Variants in SLC23A2 observed in about 807,000 individuals in gnomAD.
SLC23A2 encodes Na(+)/L-ascorbic acid transporter 2.
A neutral mutation model predicts 73.3 loss-of-function variants in SLC23A2; 36 were observed. The observed-to-expected ratio is 0.49, with a 90% CI of 0.38 to 0.65. The LOEUF is 0.65. SLC23A2 is among the 30% of genes least tolerant of loss of function. The pLI is 0.00. For missense variants in SLC23A2, 507 were observed against 841.6 expected (o/e 0.60, Z 4.92); for synonymous variants, 343 against 327.3 (o/e 1.05, Z -0.52).
chr20:4,973,417 G>A (rs954333792), intron 1 of SLC23A2, among the ~76,000 whole-genome samples: 1 of 152,176 alleles, frequency 6.6e-6, no homozygotes, highest in Non-Finnish European at 1.5e-5. Context: ...TTAAAGACAT[G>A]TTTTTGGAGA....
intron 2 of SLC23A2, among the ~76,000 whole-genome samples, chr20:4,942,517 C>G (rs776942693): frequency 5.3e-5 from 8 of 152,138 alleles, no homozygotes; most frequent in Non-Finnish European, 7.4e-5. Flanking sequence ...TTCCAATTCC[C>G]TAAGGACTGA....
Position 4,912,995 on chromosome 20 carries a change from C to T in SLC23A2, c.109-17G>A. 6.4e-7 allele frequency: 1 copy of T among 1,556,132 alleles called. No homozygotes were observed. The highest frequency in any genetic ancestry group is 1.7e-4 in the Middle Eastern group (1 of 5,960). On this transcript the variant is annotated splice_polypyrimidine_tract_variant and intron_variant, in intron 3 of 16. Coordinates refer to ENST00000338244, the MANE Select transcript of SLC23A2 (RefSeq NM_005116.6). The stretch of plus-strand genomic sequence containing the variant: ...TATCACCACCTGCAGAGACAATCCA[C>T]TTAGAGGCTGTTTCAGCGTGAACCA...
At chr20:4,859,619 G>A (rs189041822) in intron 15 of SLC23A2, among the ~76,000 whole-genome samples, 77 of 152,274 alleles carry the variant, frequency 5.1e-4, no homozygotes, top group East Asian at 3.7e-3. Context: ...CCCAACAGTG[G>A]TGCATAGAAG....
intron 2 of SLC23A2, among the ~76,000 whole-genome samples, chr20:4,943,488 C>T (rs1050180086): frequency 4.0e-5 from 6 of 148,462 alleles, no homozygotes; most frequent in African/African-American, 1.3e-4. Flanking sequence ...GGCAACGTGA[C>T]GAAACCCCAT....
At chr20:4,993,410 G>GAAAAAAAAAAA (rs3055956) in intron 1 of SLC23A2, among the ~76,000 whole-genome samples, 76 of 121,470 alleles carry the variant, frequency 6.3e-4, no homozygotes, top group South Asian at 4.5e-3. Context: ...GCCAAAATCC[G>GAAAAAAAAAAA]AAAAAAAAAA....
At chr20:4,939,172 A>C (rs190122752) in intron 2 of SLC23A2, among the ~76,000 whole-genome samples, 17 of 152,378 alleles carry the variant, frequency 1.1e-4, no homozygotes, top group Admixed American at 3.3e-4. Context: ...GGGAAACAGA[A>C]AGAAACAGTA....
At chr20:4,982,289 G>A (rs112370381) in intron 1 of SLC23A2, among the ~76,000 whole-genome samples, 1,895 of 152,088 alleles carry the variant, frequency 0.012, 12 homozygotes, top group Middle Eastern at 0.02. Flanking sequence ...CACCGTGCCC[G>A]GACGATGGCA....
At chr20:4,943,143 T>TG (rs1465129459) in intron 2 of SLC23A2, among the ~76,000 whole-genome samples, 36 of 86,668 alleles carry the variant, frequency 4.2e-4, no homozygotes, top group African/African-American at 1.7e-3. Context: ...GGGCGGGGGG[T>TG]GGGGCGGTGT....
intron 1 of SLC23A2, among the ~76,000 whole-genome samples, chr20:4,996,875 G>A (rs1395204635): frequency 1.3e-5 from 2 of 151,960 alleles, no homozygotes; most frequent in Non-Finnish European, 2.9e-5. Flanking sequence ...AGGACAATGA[G>A]AAGCTCCCAA....
intron 3 of SLC23A2, among the ~76,000 whole-genome samples, chr20:4,925,094 G>C (rs1932625827): frequency 1.3e-5 from 2 of 151,824 alleles, no homozygotes; most frequent in Admixed American, 1.3e-4. Flanking sequence ...GAGGTGGGAG[G>C]ATGGCTTAAA....
chr20:4,869,764 T>C, intron 12 of SLC23A2, 142 bp downstream of exon 12: 1 of 637,266 alleles, frequency 1.6e-6, no homozygotes, highest in South Asian at 2.2e-5. Flanking sequence ...AAGGTGGTGA[T>C]GCATCAAACA....
chr20:4,877,529 ATG>A (rs999604114), intron 9 of SLC23A2, among the ~76,000 whole-genome samples: 3 of 152,228 alleles, frequency 2.0e-5, no homozygotes, highest in African/African-American at 7.2e-5. Flanking sequence ...ATATAAAAAT[ATG>A]TAAGGATAAA....
At chr20:4,935,369 G>T (rs1399809965) in intron 2 of SLC23A2, among the ~76,000 whole-genome samples, 1 of 152,112 alleles carries the variant, frequency 6.6e-6, no homozygotes, top group East Asian at 1.9e-4. Flanking sequence ...CACCTCAGGG[G>T]TCCCACCACC....
rs1406398231 is a variant in SLC23A2 at position 4,874,158 on chromosome 20, C to T, written c.946-66G>A. 2.6e-6 allele frequency: 4 copies of T among 1,515,272 alleles called. No individual in the cohort carries two copies. In the African/African-American group the frequency reaches 5.6e-5, roughly 21 times the overall value. The allele number at this position is 1,515,272 out of a possible 1,614,324, so 93.9% of individuals were successfully genotyped here. A position where few individuals can be genotyped will look rare whatever the true frequency, so the allele number is the denominator to read the frequency against. On this transcript the variant is annotated intron_variant, in intron 10 of 16. Transcript: ENST00000338244. Reference sequence around the variant, plus strand: ...TCACAGGTGTTGGCAAAAAACACGTCTTCCCGCGGTCGGAATATCACACCC... The same window carrying T: ...TCACAGGTGTTGGCAAAAAACACGTTTTCCCGCGGTCGGAATATCACACCC...
intron 1 of SLC23A2, among the ~76,000 whole-genome samples, chr20:4,997,556 T>C (rs1400902243): frequency 6.6e-6 from 1 of 152,158 alleles, no homozygotes; most frequent in Non-Finnish European, 1.5e-5. Flanking sequence ...AATGTGGCTG[T>C]ATTTAGAGAT....
At chr20:4,889,362 T>C (rs1368058552) in intron 6 of SLC23A2, among the ~76,000 whole-genome samples, 1 of 151,928 alleles carries the variant, frequency 6.6e-6, no homozygotes, top group African/African-American at 2.4e-5. Context: ...GCTCATATGA[T>C]GAAGGTCAGT....
At chr20:4,979,007 C>T (rs2087686036) in intron 1 of SLC23A2, among the ~76,000 whole-genome samples, 1 of 152,148 alleles carries the variant, frequency 6.6e-6, no homozygotes, top group African/African-American at 2.4e-5. Flanking sequence ...GGACCAGGCA[C>T]GGTGGCTCAC....
At chr20:4,951,939 C>T (rs2087208656) in intron 2 of SLC23A2, among the ~76,000 whole-genome samples, 1 of 151,658 alleles carries the variant, frequency 6.6e-6, no homozygotes, top group African/African-American at 2.4e-5. Context: ...CCCATCTCTA[C>T]TAAACATACA....
At position 4,868,181 on chromosome 20, in the gene SLC23A2, G is replaced by A. The variant is rs1032223943; in HGVS notation, c.1251-306C>T. 6.7e-6 allele frequency among the ~76,000 whole-genome samples: 1 copy of A among 148,912 alleles called. No homozygotes were observed. Among genetic ancestry groups the A allele is most frequent in the Non-Finnish European group, 1.5e-5 (1 of 67,672 alleles). On this transcript the variant is annotated intron_variant, in intron 12 of 16. Transcript: ENST00000338244. This position sits in a 1 kb window ranked among gnomAD's most constrained non-coding sequence, Gnocchi z 4.4. ...TGCAACCTCCACCTCCTGGGTTCAA[G>A]AGATTCTCCTGCCTCCCGAGTAGCT... is the stretch of plus-strand genomic sequence containing the variant.
Sources: gnomAD v4.1 joint callset for allele counts (sites outside exome capture counted in the v4.1 genomes callset) on GRCh38, gnomAD v4.1.1 for gene constraint, Gnocchi (gnomAD v3.1) non-coding constraint, MANE v1.5 for transcripts, NCBI Gene and HGNC (gene_info 2026-07-23, HGNC 2026-07-21) for gene names.